Variants in CYP4V2 observed in about 807,000 individuals in gnomAD.
The protein encoded by CYP4V2 is cytochrome P450 family 4 subfamily V member 2, also known as cytochrome P450 4V2.
CYP4V2 carries 55 observed loss-of-function variants against 60.8 expected under a neutral mutation model. That is an observed-to-expected ratio of 0.90 (90% CI 0.73 to 1.13). The LOEUF (loss-of-function observed/expected upper bound fraction) is 1.13, where lower values mean the gene tolerates loss of function less well. Ranked by LOEUF, CYP4V2 falls within the 50% of genes most tolerant of loss-of-function variation. The pLI is 0.00. For synonymous variants in CYP4V2, 239 were observed against 236.8 expected, an observed-to-expected ratio of 1.01 and a Z score of -0.08; for missense variants, 675 against 662.9, an observed-to-expected ratio of 1.02 and a Z score of -0.20.
Position 186,195,858 on chromosome 4 carries a change from A to T in CYP4V2, c.328-145A>T. The T allele has an allele frequency of 1.5e-6, 1 of 667,148 alleles. No individual in the cohort carries two copies. Among genetic ancestry groups the T allele is most frequent in the Non-Finnish European group, 2.7e-6 (1 of 371,346 alleles). 41.3% of individuals were successfully genotyped at this position (667,148 alleles called of 1,614,324 possible). On this transcript the variant is annotated intron_variant, in intron 2 of 10. Transcript: ENST00000378802. The surrounding 1 kb of genome is among the most constrained non-coding windows in gnomAD (Gnocchi z 4.1). ...TCAAAACTCTAACTGAATGTCTTTGAGGCACAGGACTGAAAATGAACGACG... is the reference window on the plus strand; with the variant it reads ...TCAAAACTCTAACTGAATGTCTTTGTGGCACAGGACTGAAAATGAACGACG...
At chr4:186,202,717 C>T (rs1185346329) in intron 7 of CYP4V2, 1 of 152,334 alleles carries the variant, frequency 6.6e-6, no homozygotes, top group African/African-American at 2.4e-5. Context: ...CACACATACA[C>T]AAACACATGC....
Position 186,191,799 on chromosome 4 carries a change from C to CG in CYP4V2, c.-25_-24insG. The CG allele has an allele frequency of 6.6e-7, 1 of 1,514,174 alleles. No individual in the cohort carries two copies. 93.8% of individuals were successfully genotyped at this position (1,514,174 alleles called of 1,614,324 possible). A position where few individuals can be genotyped will look rare whatever the true frequency, so the allele number is the denominator to read the frequency against. Reference sequence around the variant, plus strand: ...CGCGGGCCCGCACTTTCCCGGAGTGCACCCCGCGGCCGCCAGCCGGGGCGA... The same window carrying CG: ...CGCGGGCCCGCACTTTCCCGGAGTGCGACCCCGCGGCCGCCAGCCGGGGCGA... On this transcript the variant is annotated 5_prime_UTR_variant, in exon 1 of 11. Coordinates refer to ENST00000378802, the MANE Select transcript of CYP4V2 (RefSeq NM_207352.4).
intron 8 of CYP4V2, among the ~76,000 whole-genome samples, chr4:186,207,923 G>A (rs1207403147): frequency 6.6e-6 from 1 of 152,074 alleles, no homozygotes; most frequent in Non-Finnish European, 1.5e-5. Context: ...ATTTTACTTG[G>A]CACATTGTCC....
chr4:186,204,969 A>G, intron 7 of CYP4V2: 1 of 578,224 alleles, frequency 1.7e-6, no homozygotes, highest in Non-Finnish European at 3.1e-6. Context: ...ACGTCCCACC[A>G]GCGTGCAACA....
Position 186,196,938 on chromosome 4 carries a change from A to G in CYP4V2, c.414-2A>G, listed in dbSNP as rs762907849. On this transcript the variant is annotated splice_acceptor_variant, in intron 3 of 10. Coordinates refer to ENST00000378802, the MANE Select transcript of CYP4V2 (RefSeq NM_207352.4). LOFTEE classifies it high-confidence loss of function. ...TTTTGTAACCACATATTTTATTTCT[A>G]GTACTGGAAACAAATGGCGCTCCAG... 1 of 1,612,470 alleles carries G rather than the reference A, an allele frequency of 6.2e-7. No individual in the cohort carries two copies. Among genetic ancestry groups the G allele is most frequent in the Non-Finnish European group, 8.5e-7 (1 of 1,179,830 alleles).
chr4:186,201,225 C>G lies in CYP4V2; in HGVS notation c.870C>G (p.Ala290=). ...EDCRGDGRGS[A]PSKNKRRAFL... ...GTAGAGGTGATGGCAGGGGCTCTGC[C>G]CCCTCCAAAAATAAACGCAGGGCCT... The change falls in exon 7 of 11, where the codon GCC becomes GCG. Residue 290 remains alanine, a synonymous_variant. Transcript: ENST00000378802. The G allele has an allele frequency of 6.2e-7, 1 of 1,614,062 alleles. No homozygotes were observed. The highest frequency in any genetic ancestry group is 1.7e-5 in the Admixed American group (1 of 60,004).
rs773179019 is a variant in CYP4V2 at position 186,208,845 on chromosome 4, T to C, written c.1091-20T>C. 5 of 1,614,108 alleles carry C rather than the reference T, an allele frequency of 3.1e-6. No individual in the cohort carries two copies. In the East Asian group the frequency reaches 1.1e-4, roughly 36 times the overall value. On this transcript the variant is annotated intron_variant, in intron 8 of 10. Transcript: ENST00000378802. ...CCCCCACTGCTCTTTCAGGTCATCT[T>C]ATCTACTTGCTTTCATCAGGGAAGT...
Position 186,208,752 on chromosome 4 carries a change from G to A in CYP4V2, c.1091-113G>A, listed in dbSNP as rs186227050. The A allele has an allele frequency of 4.7e-3, 6,737 of 1,439,242 alleles. 26 individuals carry two copies. Among genetic ancestry groups the A allele is most frequent in the Middle Eastern group, 5.3e-3 (29 of 5,472 alleles). 89.2% of individuals were successfully genotyped at this position (1,439,242 alleles called of 1,614,324 possible). ...TGATCCACGTGTTCTTCTTTGTTGG[G>A]TATTTGATGGGTATTTAGCATGCCA... On this transcript the variant is annotated intron_variant, in intron 8 of 10. Coordinates refer to ENST00000378802, the MANE Select transcript of CYP4V2 (RefSeq NM_207352.4).
At position 186,208,929 on chromosome 4, in the gene CYP4V2, T is replaced by A; in HGVS notation, c.1155T>A (p.Ile385=). The change falls in exon 9 of 11, where the codon ATT becomes ATA. Residue 385 remains isoleucine (I), a synonymous_variant. Coordinates refer to ENST00000378802, the MANE Select transcript of CYP4V2 (RefSeq NM_207352.4). ...AACTTCGGTATCTGGAATGTGTTAT[T>A]AAGGAGACCCTTCGCCTTTTTCCTT... ...LKKLRYLECV[I]KETLRLFPSV... 6.2e-7 allele frequency: 1 copy of A among 1,614,248 alleles called. No individual in the cohort carries two copies. Among genetic ancestry groups the A allele is most frequent in the Non-Finnish European group, 8.5e-7 (1 of 1,180,034 alleles).
chr4:186,192,636 T>G (rs1736024828), intron 1 of CYP4V2, among the ~76,000 whole-genome samples: 1 of 152,060 alleles, frequency 6.6e-6, no homozygotes, highest in Non-Finnish European at 1.5e-5. Flanking sequence ...TATTAAAGAG[T>G]GAATTTTTTA....
Position 186,207,456 on chromosome 4 carries a change from A to C in CYP4V2, c.1091-1409A>C, listed in dbSNP as rs566684588. On this transcript the variant is annotated intron_variant, in intron 8 of 10. Coordinates refer to ENST00000378802, the MANE Select transcript of CYP4V2 (RefSeq NM_207352.4). ...AAAGAAAGAAAAAAACATTTGAGCAACTATTCTTTGTGTAGTGAGTTATTA... is the reference window on the plus strand; with the variant it reads ...AAAGAAAGAAAAAAACATTTGAGCACCTATTCTTTGTGTAGTGAGTTATTA... Among the ~76,000 whole-genome samples, 301 of 147,982 alleles carry C rather than the reference A, an allele frequency of 2.0e-3. 2 individuals are homozygous for C. The highest frequency in any genetic ancestry group is 3.6e-3 in the Non-Finnish European group (244 of 67,148).
Position 186,192,118 on chromosome 4 carries a change from T to C in CYP4V2, c.214+81T>C, listed in dbSNP as rs562098490. 5.1e-5 allele frequency: 77 copies of C among 1,499,006 alleles called. No homozygotes were observed. The African/African-American group carries it at 8.0e-4, about 16-fold the overall frequency. The allele number at this position is 1,499,006 out of a possible 1,614,324, so 92.9% of individuals were successfully genotyped here. On this transcript the variant is annotated intron_variant, in intron 1 of 10. Transcript: ENST00000378802. ...CTCCGATCAGCCAGGAACCCGCTGC[T>C]TGTGGCGCTGGCCGCAGGAGAGAGG...
chr4:186,197,224 C>T lies in CYP4V2; in HGVS notation c.604+94C>T, dbSNP rs141572111. On this transcript the variant is annotated intron_variant, in intron 4 of 10. Transcript: ENST00000378802. ...TCCACCGGGAAGGCAAATGGGGGGA[C>T]GGGAAAGGGTGACGGGCTCTTCAGC... 392 of 1,444,494 alleles carry T rather than the reference C, an allele frequency of 2.7e-4. 4 individuals are homozygous for T. The African/African-American group carries it at 4.2e-3, about 15-fold the overall frequency. 89.5% of individuals were successfully genotyped at this position (1,444,494 alleles called of 1,614,324 possible). A position where few individuals can be genotyped will look rare whatever the true frequency, so the allele number is the denominator to read the frequency against.
intron 8 of CYP4V2, among the ~76,000 whole-genome samples, chr4:186,207,183 C>T (rs543597350): frequency 1.8e-3 from 269 of 151,934 alleles, no homozygotes; most frequent in African/African-American, 6.1e-3. Context: ...CCGAGGTGGG[C>T]GGATCACGAG....
chr4:186,192,273 A>G, intron 1 of CYP4V2: 1 of 702,670 alleles, frequency 1.4e-6, no homozygotes, highest in Non-Finnish European at 2.6e-6. Flanking sequence ...GTATTTCCAA[A>G]CCCCTGCCCT....
In CYP4V2 at chr4:186,213,431, T is replaced by C. The variant is rs566874342; in HGVS notation, c.*2790T>C. The stretch of plus-strand genomic sequence containing the variant: ...AAATCAGGAGATGGCTGATTCATAA[T>C]GGGTAATAAAATAAATAGCACTTTC... On this transcript the variant is annotated 3_prime_UTR_variant, in exon 11 of 11. Coordinates refer to ENST00000378802, the MANE Select transcript of CYP4V2 (RefSeq NM_207352.4). The C allele has an allele frequency of 5.9e-5, 9 of 152,352 alleles. No homozygotes were observed. The highest frequency in any genetic ancestry group is 1.0e-4 in the Non-Finnish European group (7 of 68,028). 9.4% of individuals were successfully genotyped at this position (152,352 alleles called of 1,614,324 possible).
In CYP4V2 at chr4:186,195,524, G is replaced by A. The variant is rs1242298015; in HGVS notation, c.328-479G>A. On this transcript the variant is annotated intron_variant, in intron 2 of 10. Transcript: ENST00000378802. The surrounding 1 kb of genome is among the most constrained non-coding windows in gnomAD (Gnocchi z 4.1). ...GATCACGTTCATGGCTTCCATTGCT[G>A]CCTCTATGCTGGGGACACTCCGAAC... 6.6e-6 allele frequency among the ~76,000 whole-genome samples: 1 copy of A among 152,112 alleles called. No homozygotes were observed. Among genetic ancestry groups the A allele is most frequent in the Non-Finnish European group, 1.5e-5 (1 of 68,028 alleles).
At position 186,205,298 on chromosome 4, in the gene CYP4V2, G is replaced by A. The variant is rs751849871; in HGVS notation, c.1086G>A (p.Val362=). The change falls in exon 8 of 11, where the codon GTG becomes GTA. Residue 362 remains valine (V), a synonymous_variant. Coordinates refer to ENST00000378802, the MANE Select transcript of CYP4V2 (RefSeq NM_207352.4). The stretch of plus-strand genomic sequence containing the variant: ...AAGTGGATCATGAATTGGATGACGT[G>A]TTTGGTATGTTTGGCCCCTTCACTG... ...QKKVDHELDD[V]FGKSDRPATV... 2 of 1,614,000 alleles carry A rather than the reference G, an allele frequency of 1.2e-6. No individual in the cohort carries two copies. Among genetic ancestry groups the A allele is most frequent in the Admixed American group, 1.7e-5 (1 of 60,034 alleles).
chr4:186,199,208 C>A, intron 6 of CYP4V2, 125 bp downstream of exon 6: 2 of 1,017,546 alleles, frequency 2.0e-6, no homozygotes, highest in East Asian at 2.6e-5. Flanking sequence ...CCATCCCCAC[C>A]GTTCATTTCC....
Sources: allele counts gnomAD v4.1 joint callset (sites outside exome capture counted in the v4.1 genomes callset), GRCh38; gene constraint gnomAD v4.1.1; non-coding constraint Gnocchi (gnomAD v3.1); transcripts MANE v1.5; gene names NCBI Gene and HGNC (gene_info 2026-07-23, HGNC 2026-07-21).